Variants in MTHFD2L observed in about 807,000 individuals in gnomAD.
The protein encoded by MTHFD2L is bifunctional methylenetetrahydrofolate dehydrogenase/cyclohydrolase 2, mitochondrial.
MTHFD2L carries 29 observed loss-of-function variants against 34.9 expected under a neutral mutation model. The observed-to-expected ratio is 0.83, with a 90% confidence interval of 0.62 to 1.13. MTHFD2L has a LOEUF of 1.13. Among genes scored for constraint, MTHFD2L ranks in the 50% most tolerant of loss-of-function variants. The pLI, the probability that MTHFD2L is intolerant of heterozygous loss-of-function variation, is 0.00. For synonymous variants in MTHFD2L, 167 were observed against 155.7 expected (o/e 1.07, Z -0.54); for missense variants, 481 against 446.5 (o/e 1.08, Z -0.70).
chr4:74,229,696 A>G (rs1408729353), intron 6 of MTHFD2L, among the ~76,000 whole-genome samples: 2 of 152,110 alleles, frequency 1.3e-5, no homozygotes, highest in Non-Finnish European at 2.9e-5. Flanking sequence ...TGGCTTATAT[A>G]TCACTCACCT....
At chr4:74,129,376 T>TGC (rs1345339341) in intron 1 of MTHFD2L, among the ~76,000 whole-genome samples, 1 of 151,946 alleles carries the variant, frequency 6.6e-6, no homozygotes, top group Non-Finnish European at 1.5e-5. Context: ...AAAAGAACAG[T>TGC]AATCATAATA....
At chr4:74,277,664 A>G (rs1478089064) in intron 6 of MTHFD2L, among the ~76,000 whole-genome samples, 1 of 152,134 alleles carries the variant, frequency 6.6e-6, no homozygotes, top group Non-Finnish European at 1.5e-5. Context: ...TACTGAGCTA[A>G]AAGATACTCC....
chr4:74,155,674 T>C (rs1418931044), upstream of MTHFD2L, among the ~76,000 whole-genome samples: 2 of 151,928 alleles, frequency 1.3e-5, no homozygotes, highest in African/African-American at 2.4e-5. Flanking sequence ...TAAAGAACAT[T>C]AGATTTTTAA....
intron 6 of MTHFD2L, among the ~76,000 whole-genome samples, chr4:74,233,263 A>C (rs1213124475): frequency 6.6e-6 from 1 of 152,140 alleles, no homozygotes; most frequent in Non-Finnish European, 1.5e-5. Flanking sequence ...CCACAAGAGA[A>C]GATAGAAGCC....
chr4:74,167,836 T>C (rs992137159), intron 1 of MTHFD2L, among the ~76,000 whole-genome samples: 7 of 152,206 alleles, frequency 4.6e-5, no homozygotes, highest in African/African-American at 1.7e-4. Flanking sequence ...CCATAGGGGA[T>C]TGGGATTTTA....
chr4:74,236,859 G>A (rs1381616883), intron 6 of MTHFD2L, among the ~76,000 whole-genome samples: 2 of 151,998 alleles, frequency 1.3e-5, no homozygotes, highest in Non-Finnish European at 2.9e-5. Context: ...GGAGGTATAA[G>A]GCATTTTTCC....
chr4:74,240,622 A>C (rs1741568408), intron 6 of MTHFD2L, among the ~76,000 whole-genome samples: 2 of 152,224 alleles, frequency 1.3e-5, no homozygotes, highest in South Asian at 4.1e-4. Flanking sequence ...GAAAACAAAG[A>C]TAGAATTAAA....
chr4:74,172,536 A>G (rs1440762530), intron 1 of MTHFD2L, among the ~76,000 whole-genome samples: 8 of 152,200 alleles, frequency 5.3e-5, no homozygotes, highest in African/African-American at 1.9e-4. Context: ...TCAGTTATTT[A>G]CTCATAAATT....
rs183939353 is a variant in MTHFD2L, at chr4:74,127,899, G to T, written c.-297+2382G>T. Among the ~76,000 whole-genome samples the T allele has an allele frequency of 1.2e-3, 182 of 151,964 alleles. 1 individual carries two copies. The highest frequency in any genetic ancestry group is 4.0e-3 in the African/African-American group (166 of 41,470). Reference sequence around the variant, plus strand: ...AGGGTTTCCCTTTCTCTCCATCCTCGCCAGCATCTGTTATTACCTGTCATT... The same window carrying T: ...AGGGTTTCCCTTTCTCTCCATCCTCTCCAGCATCTGTTATTACCTGTCATT... On this transcript the variant is annotated intron_variant, in intron 1 of 7. Transcript: ENST00000433372.
intron 6 of MTHFD2L, among the ~76,000 whole-genome samples, chr4:74,277,214 G>A (rs1746780768): frequency 6.6e-6 from 1 of 150,634 alleles, no homozygotes; most frequent in Admixed American, 6.6e-5. Context: ...AATCCTTGGT[G>A]AGCCAGCTTC....
At chr4:74,274,064 C>G (rs936432851) in intron 6 of MTHFD2L, among the ~76,000 whole-genome samples, 1 of 151,800 alleles carries the variant, frequency 6.6e-6, no homozygotes, top group African/African-American at 2.4e-5. Flanking sequence ...GTTGGCCAGG[C>G]TGGTCTCAAA....
intron 1 of MTHFD2L, among the ~76,000 whole-genome samples, chr4:74,142,476 G>C (rs769531404): frequency 1.8e-4 from 28 of 152,284 alleles, no homozygotes; most frequent in Non-Finnish European, 4.0e-4. Flanking sequence ...ACCTAGAAGA[G>C]GACTCTCACC....
intron 1 of MTHFD2L, among the ~76,000 whole-genome samples, chr4:74,136,769 AACAG>A (rs765645658): frequency 2.0e-5 from 3 of 152,140 alleles, no homozygotes; most frequent in Non-Finnish European, 2.9e-5. Context: ...CTGGCATAAA[AACAG>A]ACAGATAAAT....
At chr4:74,162,505 CTTT>C (rs3051352) in intron 1 of MTHFD2L, among the ~76,000 whole-genome samples, 10 of 124,264 alleles carry the variant, frequency 8.0e-5, no homozygotes, top group East Asian at 2.3e-4. Flanking sequence ...TCTCTCCCCA[CTTT>C]TTTTTTTTTT....
At position 74,143,358 on chromosome 4, in the gene MTHFD2L, A is replaced by G. The variant is rs940499974; in HGVS notation, c.-296-16697A>G. On this transcript the variant is annotated intron_variant, in intron 1 of 7. Coordinates refer to the MTHFD2L transcript ENST00000433372. ...TGAAGGCAAAGAAATATACTCTTTG[A>G]GAAAAATATTTGTGACCTTATTCTT... 19 of 959,694 alleles carry G rather than the reference A, an allele frequency of 2.0e-5. No individual in the cohort carries two copies. In the Admixed American group the frequency reaches 6.2e-4, roughly 31 times the overall value. The allele number at this position is 959,694 out of a possible 1,614,324, so 59.4% of individuals were successfully genotyped here.
chr4:74,165,453 G>A (rs941940990), intron 1 of MTHFD2L, among the ~76,000 whole-genome samples: 1 of 152,096 alleles, frequency 6.6e-6, no homozygotes, highest in African/African-American at 2.4e-5. Context: ...CGCCTCCTGG[G>A]TTCAAGTGAT....
At chr4:74,151,910 T>C (rs1723964408) in intron 1 of MTHFD2L, among the ~76,000 whole-genome samples, 1 of 152,184 alleles carries the variant, frequency 6.6e-6, no homozygotes, top group African/African-American at 2.4e-5. Context: ...TAGCTGTTGA[T>C]CTGAAATATT....
intron 5 of MTHFD2L, among the ~76,000 whole-genome samples, chr4:74,206,966 T>C (rs987237692): frequency 2.6e-5 from 4 of 152,164 alleles, no homozygotes; most frequent in Admixed American, 2.0e-4. Context: ...AGTGGCATGA[T>C]CACGGCTCAC....
chr4:74,284,187 T>G (rs1484875732), intron 7 of MTHFD2L, among the ~76,000 whole-genome samples: 1 of 152,092 alleles, frequency 6.6e-6, no homozygotes, highest in Non-Finnish European at 1.5e-5. Context: ...TCCACATAAA[T>G]AAACAAAATG....
Sources: gnomAD v4.1 joint callset for allele counts (sites outside exome capture counted in the v4.1 genomes callset) on GRCh38, gnomAD v4.1.1 for gene constraint, MANE v1.5 for transcripts, NCBI Gene and HGNC (gene_info 2026-07-23, HGNC 2026-07-21) for gene names.